Variants in OSBPL9 observed in about 807,000 individuals in gnomAD.
The protein encoded by OSBPL9 is oxysterol binding protein like 9.
Under a neutral mutation model 106.6 loss-of-function variants are expected in OSBPL9, and 40 were observed. The ratio of observed to expected loss-of-function variants is 0.38; its 90% CI spans 0.29 to 0.49. The LOEUF is 0.49. Ranked by LOEUF, OSBPL9 falls within the 20% of genes least tolerant of loss-of-function variation. The probability of loss-of-function intolerance (pLI) is 0.97; values close to 1 mark genes in which losing one functional copy is unlikely to be tolerated. For synonymous variants in OSBPL9, 269 were observed against 295.4 expected, an observed-to-expected ratio of 0.91 and a Z score of 0.92; for missense variants, 609 against 887.2, an observed-to-expected ratio of 0.69 and a Z score of 3.98.
In OSBPL9 at chr1:51,782,600, C is replaced by G. The variant is rs768065960; in HGVS notation, c.1470C>G (p.Asn490Lys). The G allele has an allele frequency of 4.0e-5, 65 of 1,614,058 alleles. No individual in the cohort carries two copies. Among genetic ancestry groups the G allele is most frequent in the African/African-American group, 1.2e-4 (9 of 75,042 alleles). ...SEGPVPWVSK[N>K]SVTFVAEQVS... ...GACCAGTTCCCTGGGTTTCCAAAAACAGTGTAACATTTGTGGCTGAGCAGG... is the reference window on the plus strand; with the variant it reads ...GACCAGTTCCCTGGGTTTCCAAAAAGAGTGTAACATTTGTGGCTGAGCAGG... Residue 490 changes from asparagine to lysine, a missense_variant, in exon 17 of 24, where the codon AAC (asparagine) becomes AAG (lysine). This residue lies in a region of OSBPL9 where 356 missense variants were observed against 505.8 expected (regional missense o/e 0.70). Coordinates refer to ENST00000428468, the MANE Select transcript of OSBPL9 (RefSeq NM_024586.6).
intron 3 of OSBPL9, 87 bp from the exon 4 acceptor site, chr1:51,713,916 C>T (rs1196071269): frequency 3.8e-6 from 4 of 1,055,238 alleles, no homozygotes; most frequent in Non-Finnish European, 5.5e-6. Context: ...TTCTGTTAGC[C>T]ATCATAGTTT....
At chr1:51,646,527 T>C (rs777198025) in intron 1 of OSBPL9, among the ~76,000 whole-genome samples, 1 of 152,146 alleles carries the variant, frequency 6.6e-6, no homozygotes, top group Non-Finnish European at 1.5e-5. Flanking sequence ...GTGGATTCCT[T>C]AGGATTTTCT....
At chr1:51,620,590 A>T (rs1357026740) in intron 1 of OSBPL9, among the ~76,000 whole-genome samples, 3 of 152,132 alleles carry the variant, frequency 2.0e-5, no homozygotes, top group Non-Finnish European at 1.5e-5. Flanking sequence ...AGAGAGGGAA[A>T]AGTGCTTGAG....
intron 1 of OSBPL9, among the ~76,000 whole-genome samples, chr1:51,648,448 C>T (rs911857106): frequency 3.9e-5 from 6 of 152,254 alleles, no homozygotes; most frequent in Admixed American, 3.3e-4. Flanking sequence ...CCCTTTGCCC[C>T]GGTTGAAAAA....
At chr1:51,774,964 T>A (rs184800872) in intron 14 of OSBPL9, among the ~76,000 whole-genome samples, 1 of 152,324 alleles carries the variant, frequency 6.6e-6, no homozygotes, top group African/African-American at 2.4e-5. Context: ...ACTGGAGTAG[T>A]GATCTTCATC....
chr1:51,669,290 A>G (rs1649286476), intron 2 of OSBPL9, 144 bp from the exon 3 acceptor site: 1 of 670,242 alleles, frequency 1.5e-6, no homozygotes, highest in Non-Finnish European at 2.5e-6. Flanking sequence ...CTCCTTAAGC[A>G]AAACTAGAGT....
intron 1 of OSBPL9, among the ~76,000 whole-genome samples, chr1:51,644,476 T>A (rs920573873): frequency 1.3e-5 from 2 of 151,984 alleles, no homozygotes; most frequent in African/African-American, 4.8e-5. Flanking sequence ...TACAGGCGTG[T>A]GCCACCACAC....
chr1:51,761,778 T>C, intron 10 of OSBPL9, 89 bp from the exon 11 acceptor site: 2 of 1,031,892 alleles, frequency 1.9e-6, no homozygotes, highest in East Asian at 2.4e-5. Flanking sequence ...ATTACTGGCC[T>C]TTAGGATTTT....
At chr1:51,631,700 AT>A (rs1380609912) in intron 1 of OSBPL9, among the ~76,000 whole-genome samples, 1 of 152,136 alleles carries the variant, frequency 6.6e-6, no homozygotes, top group Non-Finnish European at 1.5e-5. Context: ...CTCTCATTAG[AT>A]TTACAAAGGC....
chr1:51,700,943 A>AG (rs1657093492), intron 3 of OSBPL9, among the ~76,000 whole-genome samples: 1 of 151,526 alleles, frequency 6.6e-6, no homozygotes, highest in African/African-American at 2.4e-5. Flanking sequence ...TATTCATTGT[A>AG]ATTTTTTTTT....
intron 11 of OSBPL9, among the ~76,000 whole-genome samples, chr1:51,763,248 T>C (rs1326825311): frequency 6.6e-6 from 1 of 152,150 alleles, no homozygotes; most frequent in Non-Finnish European, 1.5e-5. Flanking sequence ...TCAGGTGATC[T>C]GTCCACCTCC....
At chr1:51,639,699 C>G (rs576054157) in intron 1 of OSBPL9, among the ~76,000 whole-genome samples, 1 of 151,760 alleles carries the variant, frequency 6.6e-6, no homozygotes, top group African/African-American at 2.4e-5. Flanking sequence ...AGATTCATAG[C>G]AAGTCAGTGA....
intron 3 of OSBPL9, among the ~76,000 whole-genome samples, chr1:51,700,165 C>G (rs1363035764): frequency 6.6e-6 from 1 of 152,246 alleles, no homozygotes; most frequent in African/African-American, 2.4e-5. Flanking sequence ...GGAGCCTGTT[C>G]ACTGCAATGT....
the OSBPL9 span, chr1:51,567,898 G>A: frequency 5.9e-5 from 9 of 152,202 alleles, no homozygotes; most frequent in African/African-American, 2.2e-4. Context: ...AGTTTGCCTG[G>A]TCTAAGGCCA....
At chr1:51,711,333 G>A (rs2148883720) in intron 3 of OSBPL9, among the ~76,000 whole-genome samples, 1 of 147,798 alleles carries the variant, frequency 6.8e-6, no homozygotes, top group South Asian at 2.2e-4. Flanking sequence ...GCCGGGCAGG[G>A]GGCTGACCCC....
At chr1:51,560,157 C>G in the OSBPL9 span, among the ~76,000 whole-genome samples, 91 of 152,312 alleles carry the variant, frequency 6.0e-4, no homozygotes, top group East Asian at 0.016. Flanking sequence ...TGGCTCTGAA[C>G]TGTAGAAATC....
intron 2 of OSBPL9, among the ~76,000 whole-genome samples, chr1:51,662,178 A>G (rs182942611): frequency 6.6e-6 from 1 of 152,336 alleles, no homozygotes; most frequent in Admixed American, 6.5e-5. Context: ...GGACAGCTGA[A>G]TAATCTTGAC....
At chr1:51,764,999 T>A (rs1419640734) in intron 11 of OSBPL9, among the ~76,000 whole-genome samples, 1 of 152,260 alleles carries the variant, frequency 6.6e-6, no homozygotes, top group Non-Finnish European at 1.5e-5. Flanking sequence ...TAGATTAGTA[T>A]AAATTGCCTG....
chr1:51,750,007 T>C, intron 7 of OSBPL9, 138 bp from the exon 8 acceptor site: 1 of 468,856 alleles, frequency 2.1e-6, no homozygotes, highest in East Asian at 3.5e-5. Context: ...TAGAACCCAC[T>C]AGATCCAAAG....
Sources: gnomAD v4.1 joint callset for allele counts (sites outside exome capture counted in the v4.1 genomes callset) on GRCh38, gnomAD v4.1.1 for gene constraint, gnomAD v4.1.1 regional missense constraint, MANE v1.5 for transcripts, NCBI Gene and HGNC (gene_info 2026-07-23, HGNC 2026-07-21) for gene names.